Variants in CCND2 observed in about 807,000 individuals in gnomAD.
The protein encoded by CCND2 is G1/S-specific cyclin-D2.
Under a neutral mutation model 30.2 loss-of-function variants are expected in CCND2, and 6 were observed. The ratio of observed to expected loss-of-function variants is 0.20; its 90% CI spans 0.11 to 0.39. CCND2 has a LOEUF of 0.39. Ranked by LOEUF, CCND2 falls within the 10% of genes least tolerant of loss-of-function variation. The pLI is 1.00. For missense variants in CCND2, 235 were observed against 373.4 expected (o/e 0.63, Z 3.06); for synonymous variants, 150 against 153.1 (o/e 0.98, Z 0.15).
rs535115010 is a variant in CCND2 at position 4,274,034 on chromosome 12, G to A, written c.-7G>A. ...AAGCAGGAGGGAGAGGGGCCGCCGG[G>A]CTGGCCATGGAGCTGCTGTGCCACG... On this transcript the variant is annotated 5_prime_UTR_variant, in exon 1 of 5. Transcript: ENST00000261254. The surrounding 1 kb of genome is among the most constrained non-coding windows in gnomAD (Gnocchi z 7.7). 1 of 1,606,996 alleles carries A rather than the reference G, an allele frequency of 6.2e-7. No individual in the cohort carries two copies. The highest frequency in any genetic ancestry group is 8.5e-7 in the Non-Finnish European group (1 of 1,176,338).
At chr12:4,298,166 A>G (rs1864200434) in intron 4 of CCND2, among the ~76,000 whole-genome samples, 1 of 152,206 alleles carries the variant, frequency 6.6e-6, no homozygotes, top group African/African-American at 2.4e-5. Flanking sequence ...TGAGATCAGA[A>G]AAGTTAAATA....
At chr12:4,288,450 T>C (rs1453361375) in intron 3 of CCND2, among the ~76,000 whole-genome samples, 7 of 152,236 alleles carry the variant, frequency 4.6e-5, no homozygotes, top group Non-Finnish European at 5.9e-5. Flanking sequence ...AGGCATTCTC[T>C]GCTCTGTTCC....
chr12:4,293,497 C>T lies in CCND2; in HGVS notation c.720+4507C>T, dbSNP rs990318815. Among the ~76,000 whole-genome samples, 2 of 152,182 alleles carry T rather than the reference C, an allele frequency of 1.3e-5. No homozygotes were observed. The highest frequency in any genetic ancestry group is 2.1e-4 in the South Asian group (1 of 4,822). Reference sequence around the variant, plus strand: ...GTGATGCTGAGGTTTGGGCTTCAGTCGAACCCGTCACCCAGACAGTGTACA... The same window carrying T: ...GTGATGCTGAGGTTTGGGCTTCAGTTGAACCCGTCACCCAGACAGTGTACA... On this transcript the variant is annotated intron_variant, in intron 4 of 4. Transcript: ENST00000261254. The surrounding 1 kb of genome is among the most constrained non-coding windows in gnomAD (Gnocchi z 4.9).
Position 4,278,743 on chromosome 12 carries a change from C to T in CCND2, c.412-17C>T. ...GGAATTTAGATTCTCCTCTTCTCTTCCTGCCTTCCCCTCCAGGAGTGGGAA... is the reference window on the plus strand; with the variant it reads ...GGAATTTAGATTCTCCTCTTCTCTTTCTGCCTTCCCCTCCAGGAGTGGGAA... On this transcript the variant is annotated splice_polypyrimidine_tract_variant and intron_variant, in intron 2 of 4. Coordinates refer to ENST00000261254, the MANE Select transcript of CCND2 (RefSeq NM_001759.4). The T allele has an allele frequency of 1.9e-6, 3 of 1,613,418 alleles. No individual in the cohort carries two copies. The highest frequency in any genetic ancestry group is 2.5e-6 in the Non-Finnish European group (3 of 1,179,462).
At chr12:4,289,128 G>C (rs1295276790) in intron 4 of CCND2, 138 bp downstream of exon 4, 1 of 558,108 alleles carries the variant, frequency 1.8e-6, no homozygotes, top group East Asian at 6.2e-5. Flanking sequence ...GGAGTGCAAA[G>C]TTCAGCAGGT....
intron 3 of CCND2, among the ~76,000 whole-genome samples, chr12:4,288,299 C>T (rs1011778602): frequency 5.4e-5 from 8 of 148,632 alleles, no homozygotes; most frequent in East Asian, 4.0e-4. Flanking sequence ...GAGACTATAA[C>T]AAGATCCCAT....
chr12:4,286,781 G>T (rs1224061764), intron 3 of CCND2, among the ~76,000 whole-genome samples: 1 of 152,238 alleles, frequency 6.6e-6, no homozygotes, highest in African/African-American at 2.4e-5. Context: ...CCAATAATAA[G>T]AGTTGGTTTT....
In CCND2 at chr12:4,282,167, G is replaced by A. The variant is rs554721106; in HGVS notation, c.571+3248G>A. Among the ~76,000 whole-genome samples the A allele has an allele frequency of 6.6e-6, 1 of 152,266 alleles. No individual in the cohort carries two copies. Among genetic ancestry groups the A allele is most frequent in the South Asian group, 2.1e-4 (1 of 4,820 alleles). On this transcript the variant is annotated intron_variant, in intron 3 of 4. Transcript: ENST00000261254. This position sits in a 1 kb window ranked among gnomAD's most constrained non-coding sequence, Gnocchi z 4.3. ...ATTGTTGAGATGTGATACCATGCTC[G>A]GTGGATGATTCCAGTTAGTCTAGCA...
At chr12:4,296,658 C>T (rs1002648845) in intron 4 of CCND2, among the ~76,000 whole-genome samples, 1 of 151,538 alleles carries the variant, frequency 6.6e-6, no homozygotes, top group Non-Finnish European at 1.5e-5. Flanking sequence ...ATAGTCACTG[C>T]CTCTATGGTA....
rs151019550 is a variant in CCND2, at chr12:4,287,682, G to A, written c.572-1160G>A. Reference sequence around the variant, plus strand: ...TTCTCACCCATACCATTAGGGTGACGCTCGTGTGCATCTTCTGTGGCTGAT... The same window carrying A: ...TTCTCACCCATACCATTAGGGTGACACTCGTGTGCATCTTCTGTGGCTGAT... On this transcript the variant is annotated intron_variant, in intron 3 of 4. Transcript: ENST00000261254. This position sits in a 1 kb window ranked among gnomAD's most constrained non-coding sequence, Gnocchi z 4.0. Among the ~76,000 whole-genome samples, 58 of 152,284 alleles carry A rather than the reference G, an allele frequency of 3.8e-4. No individual in the cohort carries two copies. Among genetic ancestry groups the A allele is most frequent in the African/African-American group, 1.3e-3 (56 of 41,544 alleles).
At chr12:4,275,109 C>A (rs1458847305) in intron 1 of CCND2, 1 of 152,102 alleles carries the variant, frequency 6.6e-6, no homozygotes, top group Admixed American at 6.5e-5. Context: ...TACCGGGTCA[C>A]CCCTGAAGGA....
chr12:4,299,530 C>T lies in CCND2; in HGVS notation c.721-330C>T, dbSNP rs1864219166. ...GTCGGCCCCTTGATTACCAGGCATC[C>T]ATAAGTGACCATCATTTAGGCCAGT... is the stretch of plus-strand genomic sequence containing the variant. On this transcript the variant is annotated intron_variant, in intron 4 of 4. Transcript: ENST00000261254. The surrounding 1 kb of genome is among the most constrained non-coding windows in gnomAD (Gnocchi z 5.2). Among the ~76,000 whole-genome samples, 1 of 152,134 alleles carries T rather than the reference C, an allele frequency of 6.6e-6. No homozygotes were observed. The highest frequency in any genetic ancestry group is 1.5e-5 in the Non-Finnish European group (1 of 68,008).
chr12:4,285,241 G>A lies in CCND2; in HGVS notation c.572-3601G>A, dbSNP rs1340813339. The stretch of plus-strand genomic sequence containing the variant: ...TGTCATGAGTCGATCAGAATGGATC[G>A]CTGATCGGTTCATTGCCTCTCTCTC... On this transcript the variant is annotated intron_variant, in intron 3 of 4. Transcript: ENST00000261254. The surrounding 1 kb of genome is among the most constrained non-coding windows in gnomAD (Gnocchi z 4.1). 7.3e-6 allele frequency: 7 copies of A among 964,530 alleles called. No individual in the cohort carries two copies. The highest frequency in any genetic ancestry group is 6.2e-5 in the Admixed American group (1 of 16,252). 59.7% of individuals were successfully genotyped at this position (964,530 alleles called of 1,614,324 possible). A position where few individuals can be genotyped will look rare whatever the true frequency, so the allele number is the denominator to read the frequency against.
At position 4,300,521 on chromosome 12, in the gene CCND2, A is replaced by G. The variant is rs1368580013; in HGVS notation, c.*512A>G. On this transcript the variant is annotated 3_prime_UTR_variant, in exon 5 of 5. Coordinates refer to ENST00000261254, the MANE Select transcript of CCND2 (RefSeq NM_001759.4). ...AAGGAGTACAAAACAATCTCTCAAC[A>G]TGATTGAACCATTTGGGATGGAGAA... 2 of 234,934 alleles carry G rather than the reference A, an allele frequency of 8.5e-6. No homozygotes were observed. The highest frequency in any genetic ancestry group is 1.7e-5 in the Non-Finnish European group (2 of 118,912). 14.6% of individuals were successfully genotyped at this position (234,934 alleles called of 1,614,324 possible).
intron 4 of CCND2, chr12:4,297,851 C>G: frequency 2.2e-6 from 1 of 453,340 alleles, no homozygotes; most frequent in Non-Finnish European, 4.4e-6. Flanking sequence ...GGCCAGCGCC[C>G]GACTCCATTT....
At position 4,274,324 on chromosome 12, in the gene CCND2, T is replaced by A. The variant is rs963245288; in HGVS notation, c.195+89T>A. 28 of 1,399,410 alleles carry A rather than the reference T, an allele frequency of 2.0e-5. No individual in the cohort carries two copies. The highest frequency in any genetic ancestry group is 2.6e-5 in the Non-Finnish European group (26 of 1,012,484). 86.7% of individuals were successfully genotyped at this position (1,399,410 alleles called of 1,614,324 possible). A position where few individuals can be genotyped will look rare whatever the true frequency, so the allele number is the denominator to read the frequency against. On this transcript the variant is annotated intron_variant, in intron 1 of 4. Transcript: ENST00000261254. The surrounding 1 kb of genome is among the most constrained non-coding windows in gnomAD (Gnocchi z 7.7). Reference sequence around the variant, plus strand: ...GAGCCCTAAACCTGGGAGAGGGCAATCCCCGCGCCGGCCTCCCGGCTCCTG... The same window carrying A: ...GAGCCCTAAACCTGGGAGAGGGCAAACCCCGCGCCGGCCTCCCGGCTCCTG...
At chr12:4,280,495 C>T (rs1456011323) in intron 3 of CCND2, among the ~76,000 whole-genome samples, 2 of 152,268 alleles carry the variant, frequency 1.3e-5, no homozygotes, top group Admixed American at 6.5e-5. Context: ...TGGGAGAGTC[C>T]GTTATCCTTC....
intron 1 of CCND2, 93 bp from the exon 2 acceptor site, chr12:4,275,912 T>C (rs1176029995): frequency 1.2e-6 from 1 of 816,066 alleles, no homozygotes; most frequent in Non-Finnish European, 1.9e-6. Context: ...ATTTTTTTTG[T>C]TTCGATAGAT....
In CCND2 at chr12:4,293,369, A is replaced by C. The variant is rs3217880; in HGVS notation, c.720+4379A>C. 2.3e-3 allele frequency among the ~76,000 whole-genome samples: 346 copies of C among 152,318 alleles called. 1 individual carries two copies. The highest frequency in any genetic ancestry group is 7.9e-3 in the African/African-American group (328 of 41,568). The stretch of plus-strand genomic sequence containing the variant: ...CCTTATATTTATCCTTTTTTGTCTA[A>C]GTCACATCAAAACTCTTTGTCACAT... On this transcript the variant is annotated intron_variant, in intron 4 of 4. Coordinates refer to ENST00000261254, the MANE Select transcript of CCND2 (RefSeq NM_001759.4). This position sits in a 1 kb window ranked among gnomAD's most constrained non-coding sequence, Gnocchi z 4.9.
Sources: gnomAD v4.1 joint callset for allele counts (sites outside exome capture counted in the v4.1 genomes callset) on GRCh38, gnomAD v4.1.1 for gene constraint, Gnocchi (gnomAD v3.1) non-coding constraint, MANE v1.5 for transcripts, NCBI Gene and HGNC (gene_info 2026-07-23, HGNC 2026-07-21) for gene names.